LDAH: variants seen among roughly 807,000 people sequenced by gnomAD.
LDAH encodes lipid droplet associated hydrolase.
Under a neutral mutation model 29.6 loss-of-function variants are expected in LDAH, and 26 were observed. The ratio of observed to expected loss-of-function variants is 0.88; its 90% CI spans 0.64 to 1.22. The LOEUF is 1.22. Among genes scored for constraint, LDAH ranks in the 50% most tolerant of loss-of-function variants. LDAH has a pLI of 0.00. For synonymous variants in LDAH, 117 were observed against 133.0 expected (o/e 0.88, Z 0.83); for missense variants, 344 against 387.3 (o/e 0.89, Z 0.94).
Position 20,801,427 on chromosome 2 carries a change from C to G in LDAH, c.37G>C (p.Glu13Gln). Residue 13 changes from glutamate to glutamine, a missense_variant, in exon 2 of 7, where the codon GAG becomes CAG. Transcript: ENST00000237822. ...SELKEEIPVHEEFILCGGAET... is the reference protein window; with the variant it reads ...SELKEEIPVHQEFILCGGAET... ...GCTCCACCACACAAAATGAATTCCT[C>G]ATGCACAGGAATTTCTTCCTTGAGT... 1 of 1,614,100 alleles carries G rather than the reference C, an allele frequency of 6.2e-7. No individual in the cohort carries two copies. Among genetic ancestry groups the G allele is most frequent in the Non-Finnish European group, 8.5e-7 (1 of 1,179,964 alleles).
chr2:20,707,328 G>A (rs2149364920), intron 5 of LDAH, among the ~76,000 whole-genome samples: 1 of 152,300 alleles, frequency 6.6e-6, no homozygotes, highest in Middle Eastern at 3.4e-3. Flanking sequence ...ATGCTCTCCT[G>A]TGCTCCTTCT....
At position 20,740,208 on chromosome 2, in the gene LDAH, G is replaced by C. The variant is rs926968254; in HGVS notation, c.469-3C>G. 6.3e-7 allele frequency: 1 copy of C among 1,597,310 alleles called. No individual in the cohort carries two copies. Among genetic ancestry groups the C allele is most frequent in the African/African-American group, 1.3e-5 (1 of 74,530 alleles). On this transcript the variant is annotated splice_polypyrimidine_tract_variant and splice_region_variant and intron_variant, in intron 4 of 6. Transcript: ENST00000237822. ...AAGAGCAGAAAGGCACGAATTACCTGCAATAAAGAAGCATACTTTGATGAG... is the reference window on the plus strand; with the variant it reads ...AAGAGCAGAAAGGCACGAATTACCTCCAATAAAGAAGCATACTTTGATGAG...
intron 5 of LDAH, among the ~76,000 whole-genome samples, chr2:20,716,978 A>G (rs978438784): frequency 6.6e-6 from 1 of 151,214 alleles, no homozygotes; most frequent in African/African-American, 2.4e-5. Context: ...GCTTGTGTTC[A>G]TTTGTTACAC....
intron 5 of LDAH, among the ~76,000 whole-genome samples, chr2:20,719,569 A>G (rs1665496772): frequency 6.6e-6 from 1 of 152,148 alleles, no homozygotes; most frequent in Non-Finnish European, 1.5e-5. Flanking sequence ...ACTAATACCA[A>G]TTCTACTCAA....
intron 5 of LDAH, among the ~76,000 whole-genome samples, chr2:20,720,911 T>C (rs1169751465): frequency 6.6e-6 from 1 of 152,112 alleles, no homozygotes; most frequent in African/African-American, 2.4e-5. Context: ...ATAAACATTA[T>C]TGAAACTAGA....
rs140550088 is a variant in LDAH at position 20,725,025 on chromosome 2, T to C, written c.703+14946A>G. ...CATTGTGGGTGTATATACCGCAATA[T>C]ATATGTGAGTTTTACTCTTGGTCTA... On this transcript the variant is annotated intron_variant, in intron 5 of 6. Transcript: ENST00000237822. 2.4e-3 allele frequency among the ~76,000 whole-genome samples: 370 copies of C among 152,314 alleles called. 2 individuals are homozygous for C. The highest frequency in any genetic ancestry group is 6.8e-3 in the Middle Eastern group (2 of 294).
intron 1 of LDAH, among the ~76,000 whole-genome samples, chr2:20,801,839 C>A (rs1671690606): frequency 6.6e-6 from 1 of 151,982 alleles, no homozygotes; most frequent in African/African-American, 2.4e-5. Context: ...CTGGCTTGCC[C>A]TTGCATTCAC....
chr2:20,710,675 T>TATATACACATATATATTATAC (rs1664679369), intron 5 of LDAH, among the ~76,000 whole-genome samples: 1 of 143,608 alleles, frequency 7.0e-6, no homozygotes, highest in African/African-American at 2.6e-5. Context: ...ATATTATACA[T>TATATACACATATATATTATAC]ATATATACAC....
At chr2:20,776,643 G>C (rs190205955) in intron 3 of LDAH, among the ~76,000 whole-genome samples, 1 of 152,196 alleles carries the variant, frequency 6.6e-6, no homozygotes, top group Non-Finnish European at 1.5e-5. Flanking sequence ...TGGGAAGAGA[G>C]AGAATCTGGA....
intron 6 of LDAH, among the ~76,000 whole-genome samples, chr2:20,701,046 T>C (rs1663895591): frequency 6.6e-6 from 1 of 152,150 alleles, no homozygotes; most frequent in Non-Finnish European, 1.5e-5. Flanking sequence ...CTCTTATAGT[T>C]TCAGAGATTG....
chr2:20,809,467 A>T (rs549261725), intron 1 of LDAH, among the ~76,000 whole-genome samples: 1 of 152,198 alleles, frequency 6.6e-6, no homozygotes, highest in Non-Finnish European at 1.5e-5. Flanking sequence ...AGCAAAAGAC[A>T]CTATTAAGAG....
chr2:20,779,802 A>C (rs958103240), intron 3 of LDAH, among the ~76,000 whole-genome samples: 2 of 152,120 alleles, frequency 1.3e-5, no homozygotes, highest in Admixed American at 6.6e-5. Flanking sequence ...AATAAATTTA[A>C]AAAAAAGAAT....
intron 4 of LDAH, among the ~76,000 whole-genome samples, chr2:20,770,119 T>A (rs148392684): frequency 6.6e-6 from 1 of 152,250 alleles, no homozygotes; most frequent in Admixed American, 6.5e-5. Flanking sequence ...TAAGAAAAAA[T>A]TCCTCTATAG....
intron 5 of LDAH, among the ~76,000 whole-genome samples, chr2:20,723,540 C>T (rs2028143): frequency 0.15 from 22,312 of 152,008 alleles, 2,786 homozygotes; most frequent in African/African-American, 0.34. Flanking sequence ...AGGGAATGTA[C>T]TCCATCCCAC....
At chr2:20,700,662 A>G (rs1047166616) in intron 6 of LDAH, among the ~76,000 whole-genome samples, 2 of 152,228 alleles carry the variant, frequency 1.3e-5, no homozygotes, top group Non-Finnish European at 2.9e-5. Flanking sequence ...CAGAAGCATA[A>G]AGCAAGGTAC....
At chr2:20,726,406 C>T (rs914694569) in intron 5 of LDAH, among the ~76,000 whole-genome samples, 6 of 152,264 alleles carry the variant, frequency 3.9e-5, no homozygotes, top group Admixed American at 3.9e-4. Context: ...AGCTGCAAGA[C>T]TAGAAGATTC....
intron 1 of LDAH, among the ~76,000 whole-genome samples, chr2:20,810,451 C>G (rs1325639382): frequency 6.6e-6 from 1 of 152,170 alleles, no homozygotes; most frequent in African/African-American, 2.4e-5. Context: ...TATTCAAAGA[C>G]AGCATGTTCT....
At chr2:20,818,927 C>T (rs1468871198) in intron 1 of LDAH, among the ~76,000 whole-genome samples, 1 of 152,102 alleles carries the variant, frequency 6.6e-6, no homozygotes, top group African/African-American at 2.4e-5. Context: ...TTTCACAATT[C>T]TTCTTTTAAT....
At chr2:20,748,540 G>A (rs1372366443) in intron 4 of LDAH, among the ~76,000 whole-genome samples, 1 of 151,990 alleles carries the variant, frequency 6.6e-6, no homozygotes, top group Non-Finnish European at 1.5e-5. Flanking sequence ...ACTTCGTTTT[G>A]GGCTCTTCTG....
Sources: gnomAD v4.1 joint callset for allele counts (sites outside exome capture counted in the v4.1 genomes callset) on GRCh38, gnomAD v4.1.1 for gene constraint, MANE v1.5 for transcripts, NCBI Gene and HGNC (gene_info 2026-07-23, HGNC 2026-07-21) for gene names.